TBC1D22A: variants seen among roughly 807,000 people sequenced by gnomAD.
TBC1D22A encodes the protein putative GTPase activator.
A neutral mutation model predicts 60.2 loss-of-function variants in TBC1D22A; 38 were observed. That is an observed-to-expected ratio of 0.63 (90% confidence interval 0.49 to 0.83). The LOEUF (loss-of-function observed/expected upper bound fraction) is 0.83, where lower values mean the gene tolerates loss of function less well. Ranked by LOEUF, TBC1D22A falls within the 40% of genes least tolerant of loss-of-function variation. The pLI is 0.00. For synonymous variants in TBC1D22A, 302 were observed against 281.7 expected (o/e 1.07, Z -0.72); for missense variants, 628 against 701.0 (o/e 0.90, Z 1.18).
At chr22:47,073,581 A>G (rs960814386) in intron 11 of TBC1D22A, among the ~76,000 whole-genome samples, 1 of 152,210 alleles carries the variant, frequency 6.6e-6, no homozygotes, top group African/African-American at 2.4e-5. Flanking sequence ...AAAAAAACAC[A>G]TAAAACCACA....
At chr22:47,110,973 C>T (rs540044317) in intron 11 of TBC1D22A, among the ~76,000 whole-genome samples, 2 of 152,188 alleles carry the variant, frequency 1.3e-5, no homozygotes, top group Non-Finnish European at 2.9e-5. Context: ...ATTTGAGGGG[C>T]GTGAGCCGTG....
intron 11 of TBC1D22A, among the ~76,000 whole-genome samples, chr22:47,057,717 C>A (rs2063440892): frequency 6.6e-6 from 1 of 152,184 alleles, no homozygotes; most frequent in African/African-American, 2.4e-5. Context: ...GAGACTTACT[C>A]ACTATCGCGA....
intron 12 of TBC1D22A, among the ~76,000 whole-genome samples, chr22:47,157,638 G>A (rs984394818): frequency 6.6e-6 from 1 of 152,224 alleles, no homozygotes; most frequent in African/African-American, 2.4e-5. Flanking sequence ...TGAGCTCCGT[G>A]TGGCCGTGCA....
intron 4 of TBC1D22A, among the ~76,000 whole-genome samples, chr22:46,829,588 T>G (rs2086220342): frequency 6.6e-6 from 1 of 152,218 alleles, no homozygotes; most frequent in Non-Finnish European, 1.5e-5. Context: ...AAAAACCAAG[T>G]TAAGAGAATC....
intron 8 of TBC1D22A, chr22:46,915,596 T>A (rs1213941530): frequency 1.5e-5 from 7 of 456,726 alleles, no homozygotes; most frequent in South Asian, 1.1e-4. Context: ...TGGATATTCC[T>A]CTTTTCTTTG....
intron 5 of TBC1D22A, among the ~76,000 whole-genome samples, chr22:46,886,806 C>A (rs5769199): frequency 6.6e-6 from 1 of 152,132 alleles, no homozygotes; most frequent in East Asian, 1.9e-4. Context: ...ATGTGGTCTC[C>A]TGTAGCCACT....
chr22:47,034,545 G>A (rs943064116), intron 10 of TBC1D22A, among the ~76,000 whole-genome samples: 37 of 152,328 alleles, frequency 2.4e-4, no homozygotes, highest in African/African-American at 8.9e-4. Context: ...AATCCCTGAG[G>A]TCACTGCCAA....
intron 4 of TBC1D22A, among the ~76,000 whole-genome samples, chr22:46,832,615 C>T (rs1473904579): frequency 6.6e-6 from 1 of 152,146 alleles, no homozygotes; most frequent in Non-Finnish European, 1.5e-5. Flanking sequence ...CACTGCACTC[C>T]AGCCTGGGCA....
intron 12 of TBC1D22A, among the ~76,000 whole-genome samples, chr22:47,145,667 A>G (rs1275368363): frequency 1.3e-5 from 2 of 152,116 alleles, no homozygotes; most frequent in African/African-American, 2.4e-5. Flanking sequence ...TGTTTATGGT[A>G]TTTGCCAGCT....
At chr22:46,923,335 C>T (rs1008803616) in intron 8 of TBC1D22A, among the ~76,000 whole-genome samples, 2 of 152,248 alleles carry the variant, frequency 1.3e-5, no homozygotes, top group African/African-American at 4.8e-5. Flanking sequence ...TCCCAAGAGA[C>T]CAGTGGCTAT....
chr22:46,897,784 A>G (rs1602367518), intron 7 of TBC1D22A, among the ~76,000 whole-genome samples: 4 of 151,478 alleles, frequency 2.6e-5, no homozygotes, highest in Admixed American at 2.0e-4. Flanking sequence ...TTCTTGTTAT[A>G]GTAAATGTTA....
chr22:46,781,140 GTTTTTTTT>G (rs377531996), intron 1 of TBC1D22A, among the ~76,000 whole-genome samples: 28 of 128,982 alleles, frequency 2.2e-4, no homozygotes, highest in Non-Finnish European at 3.2e-5. Context: ...TCCCAATTTT[GTTTTTTTT>G]TTTTTTTTTA....
At position 46,998,629 on chromosome 22, in the gene TBC1D22A, G is replaced by A. The variant is rs540817401; in HGVS notation, c.1201+920G>A. On this transcript the variant is annotated intron_variant, in intron 10 of 12. Transcript: ENST00000337137. ...AGAAGGCCGTAACAGCAGTCTTCAC[G>A]GGAAGGGCGCTCGGTTTGGGAAACT... 3.0e-4 allele frequency among the ~76,000 whole-genome samples: 46 copies of A among 152,358 alleles called. No homozygotes were observed. The South Asian group carries it at 9.1e-3, about 30-fold the overall frequency.
chr22:46,774,604 C>T (rs960766711), intron 1 of TBC1D22A, among the ~76,000 whole-genome samples: 39 of 152,306 alleles, frequency 2.6e-4, no homozygotes, highest in African/African-American at 7.7e-4. Flanking sequence ...TGCTGGGCGC[C>T]CTCTCCTCCC....
chr22:47,097,533 C>G (rs943104873), intron 11 of TBC1D22A, among the ~76,000 whole-genome samples: 4 of 152,004 alleles, frequency 2.6e-5, no homozygotes, highest in Non-Finnish European at 5.9e-5. Flanking sequence ...ATTGCTTGAA[C>G]TTGGGAGGCG....
intron 11 of TBC1D22A, among the ~76,000 whole-genome samples, chr22:47,100,851 C>A (rs991085957): frequency 6.6e-6 from 1 of 152,162 alleles, no homozygotes; most frequent in South Asian, 2.1e-4. Context: ...AGTAGGCTGC[C>A]GTCTTCAAAG....
At chr22:46,952,675 G>C (rs1170304710) in intron 8 of TBC1D22A, among the ~76,000 whole-genome samples, 1 of 152,176 alleles carries the variant, frequency 6.6e-6, no homozygotes, top group African/African-American at 2.4e-5. Flanking sequence ...TCCAGTGCTG[G>C]AGGCAGAGGC....
intron 9 of TBC1D22A, among the ~76,000 whole-genome samples, chr22:46,995,364 C>T (rs895540225): frequency 2.0e-5 from 3 of 152,146 alleles, no homozygotes; most frequent in South Asian, 2.1e-4. Context: ...CTCAGCAAGC[C>T]GGCAGGTCTG....
At chr22:47,143,604 G>A (rs1401483241) in intron 12 of TBC1D22A, among the ~76,000 whole-genome samples, 1 of 152,222 alleles carries the variant, frequency 6.6e-6, no homozygotes, top group African/African-American at 2.4e-5. Context: ...CAGAAACTGG[G>A]TCCTGGGAAA....
Sources: allele counts gnomAD v4.1 joint callset (sites outside exome capture counted in the v4.1 genomes callset), GRCh38; gene constraint gnomAD v4.1.1; transcripts MANE v1.5; gene names NCBI Gene and HGNC (gene_info 2026-07-23, HGNC 2026-07-21).